The following MYRIP variants were observed in gnomAD, a reference collection of about 807,000 sequenced individuals.
MYRIP encodes the protein myosin VIIA and Rab interacting protein.
MYRIP carries 49 observed loss-of-function variants against 98.0 expected under a neutral mutation model. The ratio of observed to expected loss-of-function variants is 0.50; its 90% CI spans 0.40 to 0.63. The LOEUF (loss-of-function observed/expected upper bound fraction) is 0.63. Ranked by LOEUF, MYRIP falls within the 30% of genes least tolerant of loss-of-function variation. MYRIP has a pLI of 0.00. For synonymous variants in MYRIP, 404 were observed against 409.5 expected, an observed-to-expected ratio of 0.99 and a Z score of 0.16; for missense variants, 1,004 against 1,058.2, an observed-to-expected ratio of 0.95 and a Z score of 0.71.
At chr3:40,121,738 T>C (rs1949410186) in intron 3 of MYRIP, among the ~76,000 whole-genome samples, 2 of 152,166 alleles carry the variant, frequency 1.3e-5, no homozygotes, top group South Asian at 4.1e-4. Flanking sequence ...AACTCAGTAG[T>C]AGAGACAAAT....
At chr3:40,051,359 T>A (rs1445601558) in intron 3 of MYRIP, among the ~76,000 whole-genome samples, 1 of 152,154 alleles carries the variant, frequency 6.6e-6, no homozygotes, top group African/African-American at 2.4e-5. Flanking sequence ...GCCCAGATTA[T>A]TTTTAGTGTT....
At chr3:39,962,688 C>T (rs1945352029) in intron 2 of MYRIP, among the ~76,000 whole-genome samples, 1 of 152,080 alleles carries the variant, frequency 6.6e-6, no homozygotes, top group Non-Finnish European at 1.5e-5. Context: ...CAGGGCTTTT[C>T]AATCCTTGAA....
chr3:40,009,324 C>A (rs1946704837), intron 2 of MYRIP, among the ~76,000 whole-genome samples: 1 of 150,344 alleles, frequency 6.7e-6, no homozygotes, highest in South Asian at 2.1e-4. Flanking sequence ...GCAAGCTCCG[C>A]CTCCCGGGTT....
intron 2 of MYRIP, among the ~76,000 whole-genome samples, chr3:39,962,745 G>A (rs2125734778): frequency 6.6e-6 from 1 of 152,164 alleles, no homozygotes; most frequent in South Asian, 2.1e-4. Flanking sequence ...AGGGCCTCAT[G>A]TTTTAGAGCC....
At chr3:40,168,209 C>T (rs1292394795) in intron 7 of MYRIP, among the ~76,000 whole-genome samples, 1 of 152,208 alleles carries the variant, frequency 6.6e-6, no homozygotes, top group Non-Finnish European at 1.5e-5. Context: ...GTTTTTGAAA[C>T]TGTGCCAGGA....
intron 2 of MYRIP, among the ~76,000 whole-genome samples, chr3:40,024,928 CT>C (rs1947088039): frequency 6.6e-6 from 1 of 152,164 alleles, no homozygotes; most frequent in Admixed American, 6.5e-5. Context: ...GCAGCTTTTA[CT>C]TTTTGGTGCC....
chr3:39,836,260 T>C (rs1229749956), intron 1 of MYRIP, among the ~76,000 whole-genome samples: 6 of 152,198 alleles, frequency 3.9e-5, no homozygotes, highest in Non-Finnish European at 5.9e-5. Context: ...CATCTTTGTT[T>C]CCTGACTTTT....
At chr3:40,168,244 A>G (rs935598485) in intron 7 of MYRIP, among the ~76,000 whole-genome samples, 1 of 152,256 alleles carries the variant, frequency 6.6e-6, no homozygotes, top group African/African-American at 2.4e-5. Flanking sequence ...CCAAATACAG[A>G]TGCTCCTGAG....
intron 3 of MYRIP, among the ~76,000 whole-genome samples, chr3:40,092,862 G>A (rs1201111845): frequency 6.6e-6 from 1 of 152,182 alleles, no homozygotes; most frequent in East Asian, 1.9e-4. Context: ...GCTTCTAGAA[G>A]CTAGTCTGTC....
At chr3:40,055,085 A>G (rs1254992130) in intron 3 of MYRIP, among the ~76,000 whole-genome samples, 1 of 152,142 alleles carries the variant, frequency 6.6e-6, no homozygotes, top group Non-Finnish European at 1.5e-5. Context: ...CATGGTAGGG[A>G]AAAAATGACA....
intron 2 of MYRIP, among the ~76,000 whole-genome samples, chr3:40,007,158 A>G (rs910784959): frequency 6.6e-6 from 1 of 152,228 alleles, no homozygotes; most frequent in South Asian, 2.1e-4. Context: ...TCACTTGAAG[A>G]CAGAGGCAGC....
intron 2 of MYRIP, among the ~76,000 whole-genome samples, chr3:40,036,873 G>A (rs1014544697): frequency 4.6e-5 from 7 of 152,060 alleles, no homozygotes; most frequent in African/African-American, 1.2e-4. Flanking sequence ...AACACCAGAG[G>A]AAATTAAAGT....
intron 3 of MYRIP, among the ~76,000 whole-genome samples, chr3:40,108,670 C>T (rs1949099816): frequency 6.6e-6 from 1 of 152,118 alleles, no homozygotes; most frequent in Non-Finnish European, 1.5e-5. Context: ...GTAAGACCAG[C>T]AAAGCAACCC....
At chr3:40,212,280 A>C (rs1436998365) in intron 11 of MYRIP, among the ~76,000 whole-genome samples, 2 of 137,662 alleles carry the variant, frequency 1.5e-5, no homozygotes, top group African/African-American at 5.1e-5. Flanking sequence ...ATAGAGAGAG[A>C]GCGCCATATA....
At chr3:39,829,614 C>T (rs979011275) in intron 1 of MYRIP, among the ~76,000 whole-genome samples, 2 of 152,044 alleles carry the variant, frequency 1.3e-5, no homozygotes, top group African/African-American at 4.8e-5. Context: ...GCATGCACAT[C>T]GTGTGTTGGC....
intron 2 of MYRIP, among the ~76,000 whole-genome samples, chr3:39,932,588 T>G (rs1944566374): frequency 6.6e-6 from 1 of 152,092 alleles, no homozygotes; most frequent in African/African-American, 2.4e-5. Context: ...GGTTTCACCA[T>G]GTTAGCCAGG....
chr3:39,918,910 C>G (rs1944237088), intron 2 of MYRIP, among the ~76,000 whole-genome samples: 1 of 152,158 alleles, frequency 6.6e-6, no homozygotes, highest in African/African-American at 2.4e-5. Flanking sequence ...ATGTTTCTTT[C>G]AGACTTTTAA....
At chr3:39,889,874 G>C (rs182705204) in intron 1 of MYRIP, among the ~76,000 whole-genome samples, 1 of 151,800 alleles carries the variant, frequency 6.6e-6, no homozygotes, top group Non-Finnish European at 1.5e-5. Context: ...TTACCTTTAT[G>C]GTTTCATTTT....
intron 2 of MYRIP, among the ~76,000 whole-genome samples, chr3:39,993,822 G>A (rs1364387019): frequency 6.6e-6 from 1 of 152,224 alleles, no homozygotes; most frequent in Non-Finnish European, 1.5e-5. Flanking sequence ...GTCTGAGAGG[G>A]AGGGATAAGA....
Sources: allele counts gnomAD v4.1 joint callset (sites outside exome capture counted in the v4.1 genomes callset), GRCh38; gene constraint gnomAD v4.1.1; transcripts MANE v1.5; gene names NCBI Gene and HGNC (gene_info 2026-07-23, HGNC 2026-07-21).